Variants in IL1RAPL1 observed in about 807,000 individuals in gnomAD.
IL1RAPL1 encodes the protein interleukin 1 receptor accessory protein like 1.
IL1RAPL1 carries 3 observed loss-of-function variants against 48.4 expected under a neutral mutation model. That is an observed-to-expected ratio of 0.06 (90% confidence interval 0.03 to 0.16). The LOEUF is 0.16. Among genes scored for constraint, IL1RAPL1 ranks in the 10% least tolerant of loss-of-function variants. The pLI is 1.00. For missense variants in IL1RAPL1, 349 were observed against 530.6 expected, an observed-to-expected ratio of 0.66 and a Z score of 3.36; for synonymous variants, 185 against 187.7, an observed-to-expected ratio of 0.99 and a Z score of 0.12.
At chrX:28,697,063 G>A (rs73547862) in intron 1 of IL1RAPL1, among the ~76,000 whole-genome samples, 1,205 of 111,327 alleles carry the variant, frequency 0.011, 12 homozygotes, top group African/African-American at 0.037. Context: ...AAGTATATGC[G>A]GACATTTCAC....
intron 6 of IL1RAPL1, among the ~76,000 whole-genome samples, chrX:29,907,766 G>T (rs1932668143): frequency 8.9e-6 from 1 of 111,863 alleles, no homozygotes; most frequent in African/African-American, 3.2e-5. Context: ...AATAAATATA[G>T]ATTTTGTTGA....
chrX:28,743,777 T>G (rs1935939724), intron 1 of IL1RAPL1, among the ~76,000 whole-genome samples: 2 of 111,124 alleles, frequency 1.8e-5, no homozygotes, highest in South Asian at 7.4e-4. Flanking sequence ...CAACATAATG[T>G]TTTGATATAT....
chrX:29,255,722 A>G (rs1931746083), intron 2 of IL1RAPL1, among the ~76,000 whole-genome samples: 1 of 111,033 alleles, frequency 9.0e-6, no homozygotes. Context: ...TTGGTTTTCT[A>G]TTCCTGCATT....
chrX:29,883,124 G>T (rs1236766844), intron 6 of IL1RAPL1, among the ~76,000 whole-genome samples: 1 of 111,260 alleles, frequency 9.0e-6, no homozygotes, highest in African/African-American at 3.3e-5. Flanking sequence ...CCTAGATTTT[G>T]CTAAACATAT....
chrX:29,084,148 A>G (rs893318744), intron 2 of IL1RAPL1, among the ~76,000 whole-genome samples: 3 of 111,711 alleles, frequency 2.7e-5, no homozygotes, highest in African/African-American at 3.3e-5. Context: ...TTGGGGCATG[A>G]CTACACATTT....
chrX:29,409,074 G>A (rs921268643), intron 5 of IL1RAPL1, among the ~76,000 whole-genome samples: 11 of 111,600 alleles, frequency 9.9e-5, no homozygotes, highest in African/African-American at 2.6e-4. Flanking sequence ...AAAAAATTGC[G>A]TATTTTATTT....
intron 2 of IL1RAPL1, among the ~76,000 whole-genome samples, chrX:29,176,194 C>A (rs1191804218): frequency 2.9e-5 from 3 of 104,038 alleles, no homozygotes; most frequent in Non-Finnish European, 5.9e-5. Context: ...CCCGGGTTCA[C>A]GCCATTCTCC....
chrX:29,306,312 C>A (rs761536175), intron 3 of IL1RAPL1, among the ~76,000 whole-genome samples: 1 of 110,356 alleles, frequency 9.1e-6, no homozygotes, highest in African/African-American at 3.3e-5. Flanking sequence ...AGGCGGATCA[C>A]GAGGTCAGGA....
intron 6 of IL1RAPL1, among the ~76,000 whole-genome samples, chrX:29,825,562 G>T (rs954885102): frequency 2.7e-5 from 3 of 111,603 alleles, no homozygotes; most frequent in Non-Finnish European, 5.6e-5. Flanking sequence ...AACAGCGGAT[G>T]CTCTGGTGAA....
chrX:28,929,127 T>C (rs1406747720), intron 2 of IL1RAPL1, among the ~76,000 whole-genome samples: 7 of 111,566 alleles, frequency 6.3e-5, no homozygotes, highest in Non-Finnish European at 1.1e-4. Context: ...AACATCAGAG[T>C]GTACTTACAG....
At chrX:29,380,177 A>G (rs954501621) in intron 3 of IL1RAPL1, among the ~76,000 whole-genome samples, 1 of 107,151 alleles carries the variant, frequency 9.3e-6, no homozygotes, top group Non-Finnish European at 1.9e-5. Flanking sequence ...ATGTTAGCTA[A>G]TGGTGTGGGG....
Position 28,737,121 on chromosome X carries a change from CCTTCCTTCCTT to C in IL1RAPL1, c.-24-52197_-24-52187del, listed in dbSNP as rs1935839052. ...TCTTTTCTTTTCTCTTCTTTTCCTT[CCTTCCTTCCTT>C]CCTTCCTTCCTTCCTTCCTTCCTTC... is the stretch of plus-strand genomic sequence containing the variant. On this transcript the variant is annotated intron_variant, in intron 1 of 10. Transcript: ENST00000378993. 1.7e-3 allele frequency among the ~76,000 whole-genome samples: 119 copies of C among 71,741 alleles called. 2 individuals are homozygous for C. The highest frequency in any genetic ancestry group is 6.6e-3 in the African/African-American group (116 of 17,620). 62.3% of individuals were successfully genotyped at this position (71,741 alleles called of 115,157 possible).
chrX:28,628,527 A>G (rs1476579678), intron 1 of IL1RAPL1, among the ~76,000 whole-genome samples: 1 of 112,365 alleles, frequency 8.9e-6, no homozygotes, highest in Non-Finnish European at 1.9e-5. Flanking sequence ...TGCAGCACAG[A>G]AAGGATTATT....
At chrX:29,512,345 T>A (rs1404310452) in intron 5 of IL1RAPL1, among the ~76,000 whole-genome samples, 1 of 82,014 alleles carries the variant, frequency 1.2e-5, no homozygotes, top group Non-Finnish European at 2.6e-5. Flanking sequence ...TTTCCGAAGC[T>A]GAGTGTAAGA....
At position 29,076,657 on chromosome X, in the gene IL1RAPL1, C is replaced by T. The variant is rs1298237905; in HGVS notation, c.83-206281C>T. On this transcript the variant is annotated intron_variant, in intron 2 of 10. Transcript: ENST00000378993. ...ATTCATTCATTCATTCATTCAAAAA[C>T]ATTATTATTCACATACCATAGGTCA... Among the ~76,000 whole-genome samples the T allele has an allele frequency of 3.6e-5, 4 of 111,117 alleles. No individual in the cohort carries two copies. In the South Asian group the frequency reaches 1.1e-3, roughly 32 times the overall value.
intron 5 of IL1RAPL1, among the ~76,000 whole-genome samples, chrX:29,457,952 GA>G (rs1934758775): frequency 1.8e-5 from 2 of 111,905 alleles, no homozygotes; most frequent in East Asian, 5.6e-4. Context: ...TAGTGATGTT[GA>G]ACATTTTTTC....
At chrX:29,012,493 G>T (rs963371183) in intron 2 of IL1RAPL1, among the ~76,000 whole-genome samples, 1 of 111,555 alleles carries the variant, frequency 9.0e-6, no homozygotes, top group Non-Finnish European at 1.9e-5. Context: ...GCAGTGAGCC[G>T]AGATCATGCC....
At chrX:28,831,020 CTCTCTCTGTGTGTGTGTGTGTGTGTG>C (rs1430036537) in intron 2 of IL1RAPL1, among the ~76,000 whole-genome samples, 1 of 65,887 alleles carries the variant, frequency 1.5e-5, no homozygotes, top group African/African-American at 7.1e-5. Flanking sequence ...CTCTCTCTCT[CTCTCTCTGTGTGTGTGTGTGTGTGTG>C]TGTGTGTGTG....
chrX:28,642,247 G>C (rs969729335), intron 1 of IL1RAPL1, among the ~76,000 whole-genome samples: 2 of 111,226 alleles, frequency 1.8e-5, no homozygotes, highest in Non-Finnish European at 3.8e-5. Context: ...ATATTAGACA[G>C]ATCATCGAGA....
Sources: allele counts gnomAD v4.1 joint callset (sites outside exome capture counted in the v4.1 genomes callset), GRCh38; gene constraint gnomAD v4.1.1; transcripts MANE v1.5; gene names NCBI Gene and HGNC (gene_info 2026-07-23, HGNC 2026-07-21).